The following LRRTM4 variants were observed in gnomAD, a reference collection of about 807,000 sequenced individuals.
The protein encoded by LRRTM4 is leucine rich repeat transmembrane neuronal 4, also known as leucine-rich repeat transmembrane neuronal protein 4.
In LRRTM4, 25 loss-of-function variants were observed where a neutral mutation model predicts 47.6. The ratio of observed to expected loss-of-function variants is 0.53; its 90% CI spans 0.38 to 0.73. LRRTM4 has a LOEUF of 0.73. Ranked by LOEUF, LRRTM4 falls within the 30% of genes least tolerant of loss-of-function variation. The pLI, the probability that LRRTM4 is intolerant of heterozygous loss-of-function variation, is 0.00. For synonymous variants in LRRTM4, 311 were observed against 269.5 expected (o/e 1.15, Z -1.51); for missense variants, 638 against 713.4 (o/e 0.89, Z 1.20).
At chr2:77,154,454 G>T (rs1301729266) in intron 3 of LRRTM4, among the ~76,000 whole-genome samples, 2 of 152,068 alleles carry the variant, frequency 1.3e-5, no homozygotes, top group Non-Finnish European at 2.9e-5. Context: ...TAGCAAAGAA[G>T]AAAAAGGCTA....
intron 3 of LRRTM4, among the ~76,000 whole-genome samples, chr2:77,361,730 G>A (rs1672221628): frequency 6.6e-6 from 1 of 152,032 alleles, no homozygotes; most frequent in Non-Finnish European, 1.5e-5. Context: ...TGCCCCCTTA[G>A]GATCATTCCA....
At chr2:77,172,934 A>G (rs1283732555) in intron 3 of LRRTM4, among the ~76,000 whole-genome samples, 2 of 152,222 alleles carry the variant, frequency 1.3e-5, no homozygotes, top group Admixed American at 1.3e-4. Flanking sequence ...GGCTGAGAAG[A>G]TAAAATTAAA....
At chr2:77,405,229 T>C (rs1274048695) in intron 3 of LRRTM4, among the ~76,000 whole-genome samples, 1 of 152,112 alleles carries the variant, frequency 6.6e-6, no homozygotes, top group East Asian at 1.9e-4. Context: ...TTTTGATTTA[T>C]GGGCAAAATA....
intron 3 of LRRTM4, among the ~76,000 whole-genome samples, chr2:76,996,693 G>A (rs1677214910): frequency 1.3e-5 from 2 of 152,164 alleles, no homozygotes; most frequent in South Asian, 2.1e-4. Flanking sequence ...AATACCTCTG[G>A]TAATAATCTT....
At chr2:76,847,230 T>G (rs568511034) in intron 3 of LRRTM4, among the ~76,000 whole-genome samples, 68 of 152,248 alleles carry the variant, frequency 4.5e-4, no homozygotes, top group Middle Eastern at 3.4e-3. Context: ...TCAACATATT[T>G]GCAACCCACT....
At chr2:77,081,394 GGT>G (rs1287266239) in intron 3 of LRRTM4, among the ~76,000 whole-genome samples, 1 of 151,128 alleles carries the variant, frequency 6.6e-6, no homozygotes, top group Non-Finnish European at 1.5e-5. Context: ...AAATGTAAAA[GGT>G]GTTCACATTA....
rs182625982 is a variant in LRRTM4, at chr2:76,933,356, G to A, written c.1552-184440C>T. On this transcript the variant is annotated intron_variant, in intron 3 of 3. Transcript: ENST00000409884. ...AACTGTGTTTCTCTGTGCAAAAATA[G>A]GCATGTTTTTATTCTCACACGGTCA... Among the ~76,000 whole-genome samples, 393 of 152,094 alleles carry A rather than the reference G, an allele frequency of 2.6e-3. 2 individuals are homozygous for A. The highest frequency in any genetic ancestry group is 0.01 in the Middle Eastern group (3 of 294).
chr2:76,902,043 C>A (rs907395979), intron 3 of LRRTM4, among the ~76,000 whole-genome samples: 1 of 152,086 alleles, frequency 6.6e-6, no homozygotes, highest in Non-Finnish European at 1.5e-5. Context: ...TCTCAGAATG[C>A]AAGAAATGTT....
At chr2:76,761,937 A>G (rs1247658680) in intron 3 of LRRTM4, among the ~76,000 whole-genome samples, 2 of 152,196 alleles carry the variant, frequency 1.3e-5, no homozygotes, top group Admixed American at 6.5e-5. Context: ...AATAATAAGC[A>G]TTGTCACATA....
Position 76,788,983 on chromosome 2 carries a change from G to A in LRRTM4, c.1552-40067C>T, listed in dbSNP as rs116379098. Among the ~76,000 whole-genome samples, 206 of 152,292 alleles carry A rather than the reference G, an allele frequency of 1.4e-3. 2 individuals carry two copies. The highest frequency in any genetic ancestry group is 2.3e-3 in the Non-Finnish European group (155 of 68,020). On this transcript the variant is annotated intron_variant, in intron 3 of 3. Coordinates refer to ENST00000409884, the MANE Select transcript of LRRTM4 (RefSeq NM_001134745.3). The stretch of plus-strand genomic sequence containing the variant: ...ACAGATGAGAAAGCTGAGTCTTAGA[G>A]ACATAAAACTTACACTGAGTTAAAC...
intron 3 of LRRTM4, among the ~76,000 whole-genome samples, chr2:77,030,609 C>T (rs1214820327): frequency 6.6e-6 from 1 of 152,062 alleles, no homozygotes; most frequent in Non-Finnish European, 1.5e-5. Context: ...TGAATCTACC[C>T]TTTAAAACAA....
At chr2:76,819,448 A>C (rs1261853356) in intron 3 of LRRTM4, among the ~76,000 whole-genome samples, 1 of 151,902 alleles carries the variant, frequency 6.6e-6, no homozygotes, top group Non-Finnish European at 1.5e-5. Context: ...AAGAGCAAGG[A>C]AACATTCTAT....
At chr2:77,312,645 C>T (rs1677489235) in intron 3 of LRRTM4, among the ~76,000 whole-genome samples, 1 of 152,114 alleles carries the variant, frequency 6.6e-6, no homozygotes, top group Non-Finnish European at 1.5e-5. Flanking sequence ...CACACACACA[C>T]ACTCACACAC....
intron 3 of LRRTM4, among the ~76,000 whole-genome samples, chr2:77,104,122 G>T (rs1471897106): frequency 2.0e-5 from 3 of 152,058 alleles, no homozygotes; most frequent in African/African-American, 7.2e-5. Flanking sequence ...TCCTTCAGTT[G>T]CTCAAGGCCA....
Position 77,101,786 on chromosome 2 carries a change from G to C in LRRTM4, c.1552-352870C>G, listed in dbSNP as rs369774198. Among the ~76,000 whole-genome samples, 11 of 152,236 alleles carry C rather than the reference G, an allele frequency of 7.2e-5. No individual in the cohort carries two copies. In the South Asian group the frequency reaches 1.0e-3, roughly 14 times the overall value. On this transcript the variant is annotated intron_variant, in intron 3 of 3. Transcript: ENST00000409884. ...AAGACCCAAGGTGAACTAAAATCAA[G>C]TTCATCACCACTGTTTTTAATAATC... is the stretch of plus-strand genomic sequence containing the variant.
chr2:76,748,863 G>A lies in LRRTM4; in HGVS notation c.1605C>T (p.Ile535=). ...LPYYSYDQPV[I]GYCQAHQPLH... ...GTGGCTGGTGGGCCTGGCAGTACCCGATCACAGGCTGGTCATAGCTGTAAT... is the reference window on the plus strand; with the variant it reads ...GTGGCTGGTGGGCCTGGCAGTACCCAATCACAGGCTGGTCATAGCTGTAAT... Residue 535 remains isoleucine, a synonymous_variant, in exon 4 of 4, where the codon ATC becomes ATT. Transcript: ENST00000409884. The A allele has an allele frequency of 5.0e-6, 8 of 1,613,972 alleles. No homozygotes were observed. The highest frequency in any genetic ancestry group is 6.8e-6 in the Non-Finnish European group (8 of 1,179,872).
intron 3 of LRRTM4, among the ~76,000 whole-genome samples, chr2:77,311,371 A>C (rs191590746): frequency 6.0e-4 from 91 of 152,302 alleles, no homozygotes; most frequent in African/African-American, 2.0e-3. Context: ...TAAGGCATCT[A>C]AGGGATGAAT....
intron 3 of LRRTM4, among the ~76,000 whole-genome samples, chr2:77,014,444 G>C (rs1234479145): frequency 6.6e-6 from 1 of 151,096 alleles, no homozygotes; most frequent in African/African-American, 2.4e-5. Flanking sequence ...CTTGTCCCAT[G>C]GTTTATATGA....
At chr2:77,219,567 A>G (rs769725779) in intron 3 of LRRTM4, among the ~76,000 whole-genome samples, 2 of 152,198 alleles carry the variant, frequency 1.3e-5, no homozygotes, top group Admixed American at 6.5e-5. Context: ...GATATTTCTC[A>G]TCTCTACAAT....
Sources: allele counts gnomAD v4.1 joint callset (sites outside exome capture counted in the v4.1 genomes callset), GRCh38; gene constraint gnomAD v4.1.1; transcripts MANE v1.5; gene names NCBI Gene and HGNC (gene_info 2026-07-23, HGNC 2026-07-21).